The following MEI4 variants were observed in gnomAD, a reference collection of about 807,000 sequenced individuals.
MEI4 encodes meiotic double-stranded break formation protein 4.
MEI4 carries 27 observed loss-of-function variants against 31.4 expected under a neutral mutation model. The observed-to-expected ratio is 0.86, with a 90% CI of 0.63 to 1.19. The LOEUF (loss-of-function observed/expected upper bound fraction) is 1.19. Among genes scored for constraint, MEI4 ranks in the 50% most tolerant of loss-of-function variants. The pLI is 0.00. For missense variants in MEI4, 329 were observed against 398.9 expected (o/e 0.82, Z 1.49); for synonymous variants, 122 against 145.4 (o/e 0.84, Z 1.16).
At chr6:77,900,538 C>T (rs973906028) in intron 4 of MEI4, among the ~76,000 whole-genome samples, 1 of 151,594 alleles carries the variant, frequency 6.6e-6, no homozygotes, top group South Asian at 2.1e-4. Context: ...ATATAACTAA[C>T]CAGAATATAA....
At chr6:77,743,460 T>C (rs200490466) in intron 2 of MEI4, among the ~76,000 whole-genome samples, 19 of 152,274 alleles carry the variant, frequency 1.2e-4, no homozygotes, top group South Asian at 6.2e-4. Flanking sequence ...GTGATTTTTG[T>C]ACATTGATTT....
chr6:77,716,197 G>A (rs1766578879), intron 2 of MEI4, among the ~76,000 whole-genome samples: 1 of 152,042 alleles, frequency 6.6e-6, no homozygotes, highest in Non-Finnish European at 1.5e-5. Context: ...AGGTTTCATG[G>A]GAGCCAATTA....
intron 2 of MEI4, among the ~76,000 whole-genome samples, chr6:77,691,787 C>T (rs1343965921): frequency 2.0e-5 from 3 of 151,922 alleles, no homozygotes; most frequent in African/African-American, 4.8e-5. Flanking sequence ...ACACTGGGAA[C>T]ACAGGGGCAA....
chr6:77,863,572 T>C (rs944040778), intron 4 of MEI4, among the ~76,000 whole-genome samples: 1 of 152,086 alleles, frequency 6.6e-6, no homozygotes, highest in Non-Finnish European at 1.5e-5. Flanking sequence ...CCAAGAAATA[T>C]GGGACTATGT....
intron 4 of MEI4, among the ~76,000 whole-genome samples, chr6:77,880,604 A>G (rs1771460767): frequency 6.6e-6 from 1 of 152,206 alleles, no homozygotes; most frequent in African/African-American, 2.4e-5. Context: ...AAGAACAGAA[A>G]GTCACTTTTT....
At chr6:77,742,496 G>C (rs1362117729) in intron 2 of MEI4, among the ~76,000 whole-genome samples, 2 of 152,160 alleles carry the variant, frequency 1.3e-5, no homozygotes, top group African/African-American at 4.8e-5. Context: ...ATTTATTTGA[G>C]TTCATTGTAG....
chr6:77,849,441 A>G (rs1467603738), intron 4 of MEI4, among the ~76,000 whole-genome samples: 12 of 152,188 alleles, frequency 7.9e-5, no homozygotes, highest in Non-Finnish European at 1.8e-4. Context: ...GTGAACTGAC[A>G]GGAGCATAAC....
At chr6:77,806,760 T>C (rs1292143222) in intron 3 of MEI4, among the ~76,000 whole-genome samples, 2 of 152,152 alleles carry the variant, frequency 1.3e-5, no homozygotes, top group Admixed American at 6.5e-5. Context: ...TACTGTTTTA[T>C]GGAATTTGTT....
intron 1 of MEI4, among the ~76,000 whole-genome samples, chr6:77,657,600 A>AT (rs5877563): frequency 0.19 from 27,806 of 148,516 alleles, 3,041 homozygotes; most frequent in African/African-American, 0.31. Flanking sequence ...CACCACTTGG[A>AT]TTTTTTTTTT....
chr6:77,714,968 G>C (rs1347138764), intron 2 of MEI4, among the ~76,000 whole-genome samples: 1 of 152,128 alleles, frequency 6.6e-6, no homozygotes, highest in Non-Finnish European at 1.5e-5. Flanking sequence ...TTGTTGCCCT[G>C]CGTTTCCTGA....
chr6:77,904,665 T>C (rs985775007), intron 4 of MEI4, among the ~76,000 whole-genome samples: 1 of 152,190 alleles, frequency 6.6e-6, no homozygotes, highest in Non-Finnish European at 1.5e-5. Context: ...GACTGCAGAA[T>C]ATTCCATGAT....
intron 4 of MEI4, among the ~76,000 whole-genome samples, chr6:77,859,855 G>GC (rs1216894247): frequency 6.6e-6 from 1 of 152,156 alleles, no homozygotes; most frequent in Non-Finnish European, 1.5e-5. Context: ...CTGGGCACCA[G>GC]TAGCAGAGTA....
intron 4 of MEI4, among the ~76,000 whole-genome samples, chr6:77,836,008 A>T (rs1266583611): frequency 6.6e-6 from 1 of 152,178 alleles, no homozygotes; most frequent in Admixed American, 6.5e-5. Flanking sequence ...AATACAAAAC[A>T]TGACACTTTC....
chr6:77,681,418 C>T (rs1335346432), intron 1 of MEI4, among the ~76,000 whole-genome samples: 1 of 152,152 alleles, frequency 6.6e-6, no homozygotes, highest in Non-Finnish European at 1.5e-5. Context: ...AACCACGAAA[C>T]ACCTATAGTT....
intron 1 of MEI4, among the ~76,000 whole-genome samples, chr6:77,683,768 CT>C (rs1562204668): frequency 6.6e-6 from 1 of 152,048 alleles, no homozygotes. Context: ...ACATATTTTT[CT>C]TTATCTGTTA....
chr6:77,776,048 C>A (rs1161587143), intron 3 of MEI4, among the ~76,000 whole-genome samples: 2 of 151,022 alleles, frequency 1.3e-5, no homozygotes, highest in African/African-American at 2.4e-5. Flanking sequence ...TTTTTTCTTG[C>A]TGATTTGTTT....
intron 4 of MEI4, among the ~76,000 whole-genome samples, chr6:77,909,949 G>C (rs1766393126): frequency 6.6e-6 from 1 of 152,100 alleles, no homozygotes; most frequent in South Asian, 2.1e-4. Context: ...TAGAACCAAA[G>C]ACAAAAACCA....
intron 1 of MEI4, among the ~76,000 whole-genome samples, chr6:77,659,164 G>A (rs1284716673): frequency 2.0e-5 from 3 of 152,162 alleles, no homozygotes; most frequent in Non-Finnish European, 4.4e-5. Context: ...GAGAGCAATA[G>A]TGGAGGCAGA....
chr6:77,861,242 T>G (rs1001738060), intron 4 of MEI4, among the ~76,000 whole-genome samples: 1 of 152,202 alleles, frequency 6.6e-6, no homozygotes, highest in Non-Finnish European at 1.5e-5. Flanking sequence ...ACAAAAGTAC[T>G]GGTGATCTTG....
Sources: gnomAD v4.1 joint callset for allele counts (sites outside exome capture counted in the v4.1 genomes callset) on GRCh38, gnomAD v4.1.1 for gene constraint, MANE v1.5 for transcripts, NCBI Gene and HGNC (gene_info 2026-07-23, HGNC 2026-07-21) for gene names.